Variants in OXR1 observed in about 807,000 individuals in gnomAD.
OXR1 encodes oxidation resistance 1.
Under a neutral mutation model 104.6 loss-of-function variants are expected in OXR1, and 41 were observed. That is an observed-to-expected ratio of 0.39 (90% confidence interval 0.31 to 0.51). The LOEUF is 0.51. OXR1 is among the 20% of genes least tolerant of loss of function. OXR1 has a pLI of 0.77. For synonymous variants in OXR1, 348 were observed against 348.4 expected, an observed-to-expected ratio of 1.00 and a Z score of 0.01; for missense variants, 955 against 1,031.9, an observed-to-expected ratio of 0.93 and a Z score of 1.02.
Position 106,379,299 on chromosome 8 carries a change from C to T in OXR1, c.23+19663C>T, listed in dbSNP as rs543841007. ...AGAGTCTAGATTTATGGTGTGAGTG[C>T]CAAAAATAATGGCTTTAGGCATAAT... On this transcript the variant is annotated intron_variant, in intron 2 of 16. Transcript: ENST00000517566. Among the ~76,000 whole-genome samples, 34 of 152,132 alleles carry T rather than the reference C, an allele frequency of 2.2e-4. No individual in the cohort carries two copies. The South Asian group carries it at 6.7e-3, about 30-fold the overall frequency.
chr8:106,463,285 G>A (rs1234059061), intron 2 of OXR1, among the ~76,000 whole-genome samples: 2 of 152,066 alleles, frequency 1.3e-5, no homozygotes, highest in Non-Finnish European at 2.9e-5. Flanking sequence ...GAGATTTAAT[G>A]GGAGGGGGGT....
intron 11 of OXR1, among the ~76,000 whole-genome samples, chr8:106,729,626 T>C (rs1309890275): frequency 2.0e-5 from 3 of 152,178 alleles, no homozygotes; most frequent in East Asian, 1.9e-4. Flanking sequence ...GTATGTCTTA[T>C]GGTAAGTGAA....
intron 2 of OXR1, among the ~76,000 whole-genome samples, chr8:106,497,813 C>CAT (rs202156869): frequency 0.18 from 26,963 of 150,796 alleles, 2,885 homozygotes; most frequent in African/African-American, 0.3. Flanking sequence ...TGTGCACACG[C>CAT]GTGTGTGTGT....
chr8:106,581,538 T>G (rs930839593), intron 3 of OXR1, among the ~76,000 whole-genome samples: 43 of 152,164 alleles, frequency 2.8e-4, no homozygotes, highest in Non-Finnish European at 5.3e-4. Context: ...TTGTCTTATT[T>G]CTATTAATGT....
intron 3 of OXR1, among the ~76,000 whole-genome samples, chr8:106,559,250 C>G (rs1347825992): frequency 2.0e-5 from 3 of 152,180 alleles, no homozygotes; most frequent in Non-Finnish European, 4.4e-5. Flanking sequence ...TTCCTCATTT[C>G]CATCTGAGAT....
At chr8:106,491,756 C>T (rs1243719159) in intron 2 of OXR1, among the ~76,000 whole-genome samples, 1 of 152,098 alleles carries the variant, frequency 6.6e-6, no homozygotes, top group Non-Finnish European at 1.5e-5. Context: ...TTGTGTCAAC[C>T]TCATGTGCTT....
At chr8:106,443,895 A>G (rs1326600474) in intron 2 of OXR1, among the ~76,000 whole-genome samples, 2 of 152,170 alleles carry the variant, frequency 1.3e-5, no homozygotes, top group Non-Finnish European at 2.9e-5. Context: ...CTATCATCAG[A>G]GTTCACAGGC....
intron 1 of OXR1, among the ~76,000 whole-genome samples, chr8:106,313,583 T>C (rs1278338757): frequency 2.0e-5 from 3 of 152,100 alleles, no homozygotes; most frequent in African/African-American, 4.8e-5. Context: ...CATTGCATGA[T>C]ACACCATTGC....
chr8:106,551,170 G>T (rs760974969), intron 3 of OXR1, among the ~76,000 whole-genome samples: 3 of 152,134 alleles, frequency 2.0e-5, no homozygotes, highest in African/African-American at 7.2e-5. Flanking sequence ...TTTAAAATAA[G>T]TAGGTAAATT....
At chr8:106,324,836 G>A (rs1245995795) in intron 1 of OXR1, among the ~76,000 whole-genome samples, 1 of 152,112 alleles carries the variant, frequency 6.6e-6, no homozygotes, top group Non-Finnish European at 1.5e-5. Flanking sequence ...GAACCATAAG[G>A]TCTCTGTCAC....
chr8:106,291,617 T>A (rs758174610), intron 1 of OXR1, among the ~76,000 whole-genome samples: 1 of 152,194 alleles, frequency 6.6e-6, no homozygotes, highest in South Asian at 2.1e-4. Context: ...ATTCTATACA[T>A]AAATTTCATT....
chr8:106,395,873 C>T (rs1563753115), intron 2 of OXR1, among the ~76,000 whole-genome samples: 1 of 151,808 alleles, frequency 6.6e-6, no homozygotes, highest in South Asian at 2.1e-4. Flanking sequence ...ACAAGACAGA[C>T]CTTGAGTGTC....
chr8:106,664,973 G>C (rs1587003969), intron 3 of OXR1, among the ~76,000 whole-genome samples: 1 of 152,058 alleles, frequency 6.6e-6, no homozygotes, highest in East Asian at 1.9e-4. Flanking sequence ...TATATTTCTG[G>C]TCACAAAAAC....
At chr8:106,443,328 C>A (rs1030496680) in intron 2 of OXR1, among the ~76,000 whole-genome samples, 4 of 151,900 alleles carry the variant, frequency 2.6e-5, no homozygotes, top group African/African-American at 9.7e-5. Flanking sequence ...TTACTTCCAA[C>A]TATAAGGTTG....
intron 9 of OXR1, chr8:106,707,488 G>A (rs1358696216): frequency 2.3e-6 from 1 of 439,522 alleles, no homozygotes; most frequent in Non-Finnish European, 3.9e-6. Flanking sequence ...AGTTTTTGGT[G>A]TGTTACCATT....
intron 3 of OXR1, among the ~76,000 whole-genome samples, chr8:106,647,630 G>T (rs1047045651): frequency 2.0e-5 from 3 of 152,162 alleles, no homozygotes; most frequent in Non-Finnish European, 4.4e-5. Flanking sequence ...TACAAAATCT[G>T]TTTGCTTAGT....
chr8:106,626,228 A>G (rs1479882918), intron 3 of OXR1, among the ~76,000 whole-genome samples: 1 of 151,922 alleles, frequency 6.6e-6, no homozygotes, highest in Non-Finnish European at 1.5e-5. Flanking sequence ...AATTTTTAAA[A>G]AGATATTATA....
chr8:106,448,024 TGAC>T (rs1374839900), intron 2 of OXR1: 1 of 1,535,642 alleles, frequency 6.5e-7, no homozygotes, highest in African/African-American at 1.4e-5. Context: ...TGCACAGAAA[TGAC>T]GAAGGACAAA....
At chr8:106,708,249 C>A (rs111718158) in intron 9 of OXR1, among the ~76,000 whole-genome samples, 55 of 152,030 alleles carry the variant, frequency 3.6e-4, no homozygotes, top group Non-Finnish European at 6.3e-4. Context: ...TACAAAAATT[C>A]GTCAGACATG....
Sources: gnomAD v4.1 joint callset for allele counts (sites outside exome capture counted in the v4.1 genomes callset) on GRCh38, gnomAD v4.1.1 for gene constraint, MANE v1.5 for transcripts, NCBI Gene and HGNC (gene_info 2026-07-23, HGNC 2026-07-21) for gene names.